Variants in C3orf49 observed in about 807,000 individuals in gnomAD.
The protein encoded by C3orf49 is putative uncharacterized protein C3orf49.
C3orf49 carries 27 observed loss-of-function variants against 13.3 expected under a neutral mutation model. The observed-to-expected ratio is 2.02, with a 90% CI of 1.49 to 2.79. The LOEUF is 2.79. C3orf49 is among the 30% of genes most tolerant of loss of function. The pLI is 0.00. For missense variants in C3orf49, 242 were observed against 134.2 expected, an observed-to-expected ratio of 1.80 and a Z score of -3.97; for synonymous variants, 87 against 47.6, an observed-to-expected ratio of 1.83 and a Z score of -3.40.
chr3:63,784,653 T>G, the C3orf49 span: 1 of 152,306 alleles, frequency 6.6e-6, no homozygotes, highest in Non-Finnish European at 1.5e-5. Flanking sequence ...GGTCAGGAAT[T>G]TGAGACCAGC....
upstream of C3orf49, among the ~76,000 whole-genome samples, chr3:63,818,689 C>A (rs1252223640): frequency 6.6e-6 from 1 of 152,156 alleles, no homozygotes; most frequent in South Asian, 2.1e-4. Flanking sequence ...ACAACTCAAA[C>A]CGCGAGAGGG....
chr3:63,823,964 C>G (rs1448193184), intron 2 of C3orf49, among the ~76,000 whole-genome samples: 1 of 152,012 alleles, frequency 6.6e-6, no homozygotes, highest in Admixed American at 6.5e-5. Context: ...CCACACCCAG[C>G]TAAATTTTGT....
Position 63,831,185 on chromosome 3 carries a change from C to G in C3orf49, c.646C>G (p.Arg216Gly). The G allele has an allele frequency of 1.4e-6, 1 of 702,938 alleles. No individual in the cohort carries two copies. The highest frequency in any genetic ancestry group is 2.6e-6 in the Non-Finnish European group (1 of 384,978). 43.5% of individuals were successfully genotyped at this position (702,938 alleles called of 1,614,324 possible). The change falls in exon 4 of 7, where the codon CGA becomes GGA. Residue 216 changes from arginine (R) to glycine (G), a missense_variant. Transcript: ENST00000295896. ...GAAGCGTGGCATGGAAAACATCCTT[C>G]GAAAATCAGATTTGACAGTAGGAAA... Reference protein sequence around the residue: ...KKKRGMENILRKSDLTVGKLQ... With the variant: ...KKKRGMENILGKSDLTVGKLQ...
chr3:63,824,108 G>T (rs1701436338), intron 2 of C3orf49, among the ~76,000 whole-genome samples: 1 of 152,008 alleles, frequency 6.6e-6, no homozygotes, highest in Non-Finnish European at 1.5e-5. Context: ...CTTTTGAGAA[G>T]CACTGAATTG....
At position 63,819,508 on chromosome 3, in the gene C3orf49, A is replaced by C. The variant is rs780183094; in HGVS notation, c.37A>C (p.Lys13Gln). 4.3e-6 allele frequency: 3 copies of C among 702,948 alleles called. No homozygotes were observed. In the African/African-American group the frequency reaches 5.2e-5, roughly 12 times the overall value. The allele number at this position is 702,948 out of a possible 1,614,324, so 43.5% of individuals were successfully genotyped here. Reference sequence around the variant, plus strand: ...TCAGCTGTATCTACCAGAACCCTTTAAGATTGCCTACAGAAAAGTTGGACA... The same window carrying C: ...TCAGCTGTATCTACCAGAACCCTTTCAGATTGCCTACAGAAAAGTTGGACA... ...QPQLYLPEPF[K>Q]IAYRKVGQCR... Residue 13 changes from lysine (K) to glutamine (Q), a missense_variant, in exon 1 of 7, where the codon AAG becomes CAG. Coordinates refer to ENST00000295896, the MANE Select transcript of C3orf49 (RefSeq NM_001355236.2).
At chr3:63,803,292 G>A in the C3orf49 span, among the ~76,000 whole-genome samples, 5 of 152,264 alleles carry the variant, frequency 3.3e-5, no homozygotes, top group African/African-American at 1.2e-4. Context: ...TAAAAACAGA[G>A]TATATTTCTT....
At chr3:63,817,443 C>A (rs1289428198), upstream of C3orf49, among the ~76,000 whole-genome samples, 7 of 151,618 alleles carry the variant, frequency 4.6e-5, no homozygotes, top group Non-Finnish European at 7.4e-5. Flanking sequence ...TAGGGTGGTG[C>A]CTGGGAACCA....
At chr3:63,786,468 T>C in the C3orf49 span, among the ~76,000 whole-genome samples, 1 of 152,216 alleles carries the variant, frequency 6.6e-6, no homozygotes, top group Non-Finnish European at 1.5e-5. Context: ...ACATGCTGAC[T>C]GTTTAATGAG....
At chr3:63,801,734 C>T in the C3orf49 span, among the ~76,000 whole-genome samples, 3 of 152,132 alleles carry the variant, frequency 2.0e-5, no homozygotes, top group Non-Finnish European at 2.9e-5. Context: ...CTATTATAGC[C>T]ATGATGTTTT....
At chr3:63,832,652 A>G (rs1039500826) in intron 5 of C3orf49, among the ~76,000 whole-genome samples, 11 of 152,224 alleles carry the variant, frequency 7.2e-5, no homozygotes, top group Middle Eastern at 3.4e-3. Flanking sequence ...ACAGGGCAAG[A>G]CCCTGTCTCA....
At chr3:63,831,455 T>C (rs1701530789) in intron 4 of C3orf49, among the ~76,000 whole-genome samples, 1 of 152,210 alleles carries the variant, frequency 6.6e-6, no homozygotes, top group Non-Finnish European at 1.5e-5. Flanking sequence ...AATGAAGGCA[T>C]ATACATAGGT....
chr3:63,802,821 G>T, the C3orf49 span, among the ~76,000 whole-genome samples: 1 of 151,940 alleles, frequency 6.6e-6, no homozygotes, highest in African/African-American at 2.4e-5. Context: ...TGAAAACTAG[G>T]TTTATCAGAC....
chr3:63,820,030 G>T (rs1490059856), intron 1 of C3orf49, among the ~76,000 whole-genome samples: 1 of 152,104 alleles, frequency 6.6e-6, no homozygotes, highest in African/African-American at 2.4e-5. Context: ...TTTCACTATG[G>T]ACACATTGTT....
At chr3:63,847,920 G>C (rs1312281311) in intron 6 of C3orf49, among the ~76,000 whole-genome samples, 2 of 152,110 alleles carry the variant, frequency 1.3e-5, no homozygotes, top group South Asian at 2.1e-4. Context: ...AACTAGTTTA[G>C]GCCATGATGG....
intron 5 of C3orf49, chr3:63,832,979 T>A (rs1282485230): frequency 6.6e-6 from 1 of 152,154 alleles, no homozygotes; most frequent in Non-Finnish European, 1.5e-5. Flanking sequence ...CTAAAATAAA[T>A]GGATAAGGAT....
chr3:63,794,406 A>G, the C3orf49 span, among the ~76,000 whole-genome samples: 1 of 151,950 alleles, frequency 6.6e-6, no homozygotes, highest in African/African-American at 2.4e-5. Context: ...GATTATCCCT[A>G]TCCACATAGA....
the C3orf49 span, among the ~76,000 whole-genome samples, chr3:63,807,265 T>G: frequency 1.1e-4 from 17 of 152,300 alleles, no homozygotes; most frequent in African/African-American, 3.8e-4. Flanking sequence ...ATACATATTT[T>G]TTGAATGAAT....
At chr3:63,809,831 C>T in the C3orf49 span, among the ~76,000 whole-genome samples, 1 of 152,140 alleles carries the variant, frequency 6.6e-6, no homozygotes, top group Non-Finnish European at 1.5e-5. Flanking sequence ...TTGGAGTAAA[C>T]ATAATTGCGG....
intron 5 of C3orf49, chr3:63,839,586 C>G: frequency 7.7e-7 from 1 of 1,296,352 alleles, no homozygotes; most frequent in Non-Finnish European, 1.1e-6. Context: ...GATCTACTCA[C>G]AGGACCTTAA....
Sources: allele counts gnomAD v4.1 joint callset (sites outside exome capture counted in the v4.1 genomes callset), GRCh38; gene constraint gnomAD v4.1.1; transcripts MANE v1.5; gene names NCBI Gene and HGNC (gene_info 2026-07-23, HGNC 2026-07-21).